Variants in FSTL5 observed in about 807,000 individuals in gnomAD.
The protein encoded by FSTL5 is follistatin like 5, also known as follistatin-related protein 5.
In FSTL5, 62 loss-of-function variants were observed where a neutral mutation model predicts 89.1. That is an observed-to-expected ratio of 0.70 (90% CI 0.57 to 0.86). FSTL5 has a LOEUF of 0.86. Among genes scored for constraint, FSTL5 ranks in the 40% least tolerant of loss-of-function variants. FSTL5 has a pLI of 0.00. For missense variants in FSTL5, 1,057 were observed against 1,001.6 expected (o/e 1.06, Z -0.75); for synonymous variants, 383 against 346.2 (o/e 1.11, Z -1.18).
chr4:162,074,002 C>T (rs1267828969), intron 2 of FSTL5, among the ~76,000 whole-genome samples: 1 of 151,622 alleles, frequency 6.6e-6, no homozygotes, highest in Non-Finnish European at 1.5e-5. Context: ...TCAGTTGTTC[C>T]ACTGTTCATA....
Position 161,527,684 on chromosome 4 carries a change from T to G in FSTL5, c.1312+10482A>C, listed in dbSNP as rs1256179263. On this transcript the variant is annotated intron_variant, in intron 10 of 15. Transcript: ENST00000306100. ...GGATGTGGAGAAATAGGAACACTTT[T>G]ACACTGTTGGTGGGACTGTAAACTA... 3.9e-4 allele frequency among the ~76,000 whole-genome samples: 59 copies of G among 151,778 alleles called. No homozygotes were observed. The East Asian group carries it at 4.5e-3, about 12-fold the overall frequency.
chr4:161,658,849 A>G (rs1010893456), intron 6 of FSTL5, among the ~76,000 whole-genome samples: 3 of 152,204 alleles, frequency 2.0e-5, no homozygotes, highest in African/African-American at 7.2e-5. Context: ...CAGAGGAGAT[A>G]ATGGGACATC....
chr4:162,054,775 C>G (rs1227738023), intron 2 of FSTL5, among the ~76,000 whole-genome samples: 1 of 151,710 alleles, frequency 6.6e-6, no homozygotes, highest in East Asian at 1.9e-4. Context: ...TTTCAAGGAC[C>G]TGGGTAACGT....
At chr4:162,095,051 A>G (rs981476005) in intron 2 of FSTL5, among the ~76,000 whole-genome samples, 1 of 152,116 alleles carries the variant, frequency 6.6e-6, no homozygotes, top group Admixed American at 6.6e-5. Context: ...TCTCTATTAC[A>G]ATTCTTAAAA....
intron 15 of FSTL5, among the ~76,000 whole-genome samples, chr4:161,448,723 T>C (rs1733046227): frequency 6.6e-6 from 1 of 152,180 alleles, no homozygotes; most frequent in African/African-American, 2.4e-5. Context: ...GGATTACTGC[T>C]GATCGGAAAC....
intron 6 of FSTL5, among the ~76,000 whole-genome samples, chr4:161,757,247 G>T (rs28477767): frequency 2.3e-4 from 35 of 151,970 alleles, no homozygotes; most frequent in African/African-American, 8.4e-4. Flanking sequence ...CCTTCATAAG[G>T]TATCCCTGAT....
chr4:161,969,236 T>C (rs1479192411), intron 3 of FSTL5, among the ~76,000 whole-genome samples: 1 of 152,094 alleles, frequency 6.6e-6, no homozygotes, highest in Non-Finnish European at 1.5e-5. Context: ...TATAGACAAG[T>C]ACGTTTAATT....
At chr4:161,716,935 G>A (rs2126746004) in intron 6 of FSTL5, among the ~76,000 whole-genome samples, 1 of 152,280 alleles carries the variant, frequency 6.6e-6, no homozygotes, top group East Asian at 1.9e-4. Context: ...AAAAATATCT[G>A]TGTAGTAGAT....
At chr4:162,017,640 C>A (rs1736951284) in intron 3 of FSTL5, among the ~76,000 whole-genome samples, 1 of 152,124 alleles carries the variant, frequency 6.6e-6, no homozygotes, top group African/African-American at 2.4e-5. Flanking sequence ...TTTCATACTT[C>A]CAGCAGACCA....
At chr4:162,043,959 CT>C (rs1431519313) in intron 2 of FSTL5, among the ~76,000 whole-genome samples, 1 of 152,112 alleles carries the variant, frequency 6.6e-6, no homozygotes, top group Non-Finnish European at 1.5e-5. Flanking sequence ...CAGTTACTTC[CT>C]TCACTGAAGG....
At chr4:161,796,685 G>A (rs1021274355) in intron 4 of FSTL5, among the ~76,000 whole-genome samples, 15 of 151,306 alleles carry the variant, frequency 9.9e-5, no homozygotes, top group Admixed American at 2.6e-4. Context: ...TAACCAGTTC[G>A]AAATGTATGT....
chr4:161,890,562 C>T (rs1732953175), intron 4 of FSTL5, among the ~76,000 whole-genome samples: 2 of 151,542 alleles, frequency 1.3e-5, no homozygotes, highest in South Asian at 4.2e-4. Context: ...GTGGTGTGTG[C>T]CTATAACCCC....
At chr4:161,564,212 T>C (rs1560955594) in intron 8 of FSTL5, among the ~76,000 whole-genome samples, 1 of 151,350 alleles carries the variant, frequency 6.6e-6, no homozygotes, top group Non-Finnish European at 1.5e-5. Context: ...AAATTATGCA[T>C]GTGTATATAT....
intron 15 of FSTL5, among the ~76,000 whole-genome samples, chr4:161,400,441 ACTTGATGCTT>A (rs1352349201): frequency 1.3e-5 from 2 of 152,070 alleles, no homozygotes; most frequent in East Asian, 1.9e-4. Context: ...TGCAGACTGT[ACTTGATGCTT>A]CAGTAAAAAG....
chr4:161,494,409 A>T (rs532349952), intron 12 of FSTL5, among the ~76,000 whole-genome samples: 2 of 152,288 alleles, frequency 1.3e-5, no homozygotes, highest in South Asian at 4.1e-4. Flanking sequence ...AGTTTGCAGA[A>T]GTATAAGTGG....
At chr4:161,798,517 T>A (rs1014119937) in intron 4 of FSTL5, among the ~76,000 whole-genome samples, 1 of 151,460 alleles carries the variant, frequency 6.6e-6, no homozygotes, top group Non-Finnish European at 1.5e-5. Context: ...AAAACAGCAA[T>A]TGAGAGTATC....
rs1189039747 is a variant in FSTL5 at position 161,386,641 on chromosome 4, T to C, written c.1842-192A>G. The C allele has an allele frequency of 7.2e-6, 4 of 557,222 alleles. No individual in the cohort carries two copies. The East Asian group carries it at 1.2e-4, about 16-fold the overall frequency. The allele number at this position is 557,222 out of a possible 1,614,324, so 34.5% of individuals were successfully genotyped here. ...CTTCTTTCTCTAGGTCATTCTTTCA[T>C]TACATCCAAATCATCATAACTCATG... On this transcript the variant is annotated intron_variant, in intron 15 of 15. Coordinates refer to ENST00000306100, the MANE Select transcript of FSTL5 (RefSeq NM_020116.5).
At chr4:161,612,618 G>C (rs1185762693) in intron 7 of FSTL5, among the ~76,000 whole-genome samples, 1 of 152,076 alleles carries the variant, frequency 6.6e-6, no homozygotes, top group Non-Finnish European at 1.5e-5. Context: ...ATTCACTTGG[G>C]GATGAGAAGT....
At chr4:161,856,426 T>C (rs1244168393) in intron 4 of FSTL5, among the ~76,000 whole-genome samples, 1 of 151,988 alleles carries the variant, frequency 6.6e-6, no homozygotes, top group Non-Finnish European at 1.5e-5. Flanking sequence ...CTGCATAGCA[T>C]CAAAATGTGG....
Sources: gnomAD v4.1 joint callset for allele counts (sites outside exome capture counted in the v4.1 genomes callset) on GRCh38, gnomAD v4.1.1 for gene constraint, MANE v1.5 for transcripts, NCBI Gene and HGNC (gene_info 2026-07-23, HGNC 2026-07-21) for gene names.